Variants in SERPINF2 observed in about 807,000 individuals in gnomAD.
The protein encoded by SERPINF2 is alpha-2-antiplasmin.
A neutral mutation model predicts 45.0 loss-of-function variants in SERPINF2; 15 were observed. The ratio of observed to expected loss-of-function variants is 0.33; its 90% CI spans 0.22 to 0.51. The LOEUF (loss-of-function observed/expected upper bound fraction) is 0.51. Ranked by LOEUF, SERPINF2 falls within the 20% of genes least tolerant of loss-of-function variation. The pLI, the probability that SERPINF2 is intolerant of heterozygous loss-of-function variation, is 0.97. For missense variants in SERPINF2, 518 were observed against 637.4 expected, an observed-to-expected ratio of 0.81 and a Z score of 2.02; for synonymous variants, 283 against 277.9, an observed-to-expected ratio of 1.02 and a Z score of -0.18.
At position 1,744,593 on chromosome 17, in the gene SERPINF2, A is replaced by C. The variant is rs1230449761; in HGVS notation, c.-4-399A>C. The C allele has an allele frequency of 5.1e-6, 5 of 985,332 alleles. No individual in the cohort carries two copies. The South Asian group carries it at 1.9e-4, about 37-fold the overall frequency. 61.0% of individuals were successfully genotyped at this position (985,332 alleles called of 1,614,324 possible). On this transcript the variant is annotated intron_variant, in intron 1 of 9. Coordinates refer to ENST00000453066, the MANE Select transcript of SERPINF2 (RefSeq NM_000934.4). ...GACTTGTGCCACCGTTTTACAAGGTAAGGCCAAGCCTGGTGGAGTTACGGG... is the reference window on the plus strand; with the variant it reads ...GACTTGTGCCACCGTTTTACAAGGTCAGGCCAAGCCTGGTGGAGTTACGGG...
rs1316316129 is a variant in SERPINF2 at position 1,744,946 on chromosome 17, G to C, written c.-4-46G>C. On this transcript the variant is annotated intron_variant, in intron 1 of 9. Coordinates refer to ENST00000453066, the MANE Select transcript of SERPINF2 (RefSeq NM_000934.4). ...TCGCGTGGGTAGGATTCCCTGGCGG[G>C]CGTGGGGATGTGAGATGGGAACAGA... 4 of 1,612,210 alleles carry C rather than the reference G, an allele frequency of 2.5e-6. 1 individual carries two copies. The Admixed American group carries it at 5.0e-5, about 20-fold the overall frequency.
chr17:1,745,615 G>T lies in SERPINF2; in HGVS notation c.166-93G>T. The T allele has an allele frequency of 7.4e-7, 1 of 1,359,112 alleles. No homozygotes were observed. Among genetic ancestry groups the T allele is most frequent in the Non-Finnish European group, 1.0e-6 (1 of 966,570 alleles). 84.2% of individuals were successfully genotyped at this position (1,359,112 alleles called of 1,614,324 possible). A position where few individuals can be genotyped will look rare whatever the true frequency, so the allele number is the denominator to read the frequency against. On this transcript the variant is annotated intron_variant, in intron 4 of 9. Transcript: ENST00000453066. This position sits in a 1 kb window ranked among gnomAD's most constrained non-coding sequence, Gnocchi z 6.2. ...TTCCCTGGGGCTGGGACAAGGCCCT[G>T]CTGTCCTCAGGCACAGGGGCTGTGA...
intron 1 of SERPINF2, 131 bp downstream of exon 1, chr17:1,743,039 CTG>C: frequency 1.0e-6 from 1 of 985,402 alleles, no homozygotes; most frequent in Non-Finnish European, 1.2e-6. Flanking sequence ...ACTTGAAAAA[CTG>C]GAGCCTGTTC....
At chr17:1,746,008 C>T (rs551031040) in intron 5 of SERPINF2, 99 bp downstream of exon 5, 141 of 1,312,710 alleles carry the variant, frequency 1.1e-4, no homozygotes, top group South Asian at 4.7e-4. Context: ...ACCAGGGTCA[C>T]GTGGCTGTTT....
At chr17:1,746,719 G>A (rs181449840) in intron 5 of SERPINF2, among the ~76,000 whole-genome samples, 2 of 152,052 alleles carry the variant, frequency 1.3e-5, no homozygotes, top group East Asian at 1.9e-4. Context: ...GAGCCACCGC[G>A]CCCGGCCCCT....
intron 8 of SERPINF2, 84 bp downstream of exon 8, chr17:1,748,824 T>C (rs1906111074): frequency 1.2e-6 from 1 of 815,482 alleles, no homozygotes; most frequent in Non-Finnish European, 2.2e-6. Context: ...GGCACAGGGA[T>C]GGGTGGAGGC....
chr17:1,744,386 G>A (rs1245003640), intron 1 of SERPINF2, among the ~76,000 whole-genome samples: 3 of 152,042 alleles, frequency 2.0e-5, no homozygotes, highest in African/African-American at 7.2e-5. Flanking sequence ...CCAGCTATTC[G>A]GGAGGCTGAA....
chr17:1,754,031 C>G, intron 9 of SERPINF2, 91 bp from the exon 10 acceptor site: 1 of 1,481,702 alleles, frequency 6.7e-7, no homozygotes, highest in Non-Finnish European at 9.3e-7. Context: ...CAAGCTGTTC[C>G]CTGGCCAGGA....
intron 5 of SERPINF2, 134 bp downstream of exon 5, chr17:1,746,043 G>T: frequency 2.0e-6 from 2 of 1,015,776 alleles, no homozygotes; most frequent in East Asian, 2.4e-5. Context: ...TTCCTAGGCC[G>T]GGGCGGTGGC....
chr17:1,747,616 G>T, intron 7 of SERPINF2, 104 bp downstream of exon 7: 3 of 1,266,946 alleles, frequency 2.4e-6, no homozygotes, highest in Non-Finnish European at 3.4e-6. Context: ...CCAGGGTGGA[G>T]CGCAGTGGCG....
At chr17:1,748,564 G>A (rs191107963) in intron 7 of SERPINF2, 34 bp from the exon 8 acceptor site, 55 of 1,609,186 alleles carry the variant, frequency 3.4e-5, no homozygotes, top group Non-Finnish European at 4.3e-5. Flanking sequence ...GCTGGTCCCC[G>A]TCGACGTGAC....
At chr17:1,750,989 C>T (rs1416157961) in intron 8 of SERPINF2, among the ~76,000 whole-genome samples, 1 of 152,178 alleles carries the variant, frequency 6.6e-6, no homozygotes, top group Non-Finnish European at 1.5e-5. Flanking sequence ...TTCTTGTCCT[C>T]AGGCCCTCTG....
chr17:1,745,120 T>C lies in SERPINF2; in HGVS notation c.64-55T>C, dbSNP rs1597321761. On this transcript the variant is annotated intron_variant, in intron 2 of 9. Coordinates refer to ENST00000453066, the MANE Select transcript of SERPINF2 (RefSeq NM_000934.4). This position sits in a 1 kb window ranked among gnomAD's most constrained non-coding sequence, Gnocchi z 6.2. Reference sequence around the variant, plus strand: ...AGGGGGAAGAAGAGGGGCGTTGGCATGGAGGGAGGGCTTGGCTCCGAGGGG... The same window carrying C: ...AGGGGGAAGAAGAGGGGCGTTGGCACGGAGGGAGGGCTTGGCTCCGAGGGG... 1 of 1,603,088 alleles carries C rather than the reference T, an allele frequency of 6.2e-7. No individual in the cohort carries two copies. Among genetic ancestry groups the C allele is most frequent in the South Asian group, 1.1e-5 (1 of 90,148 alleles).
At chr17:1,746,917 C>A in intron 5 of SERPINF2, 102 bp from the exon 6 acceptor site, 1 of 1,445,008 alleles carries the variant, frequency 6.9e-7, no homozygotes, top group South Asian at 1.3e-5. Context: ...GGCGTGTGGT[C>A]CCGTGGACGT....
rs1337491049 is a variant in SERPINF2 at position 1,754,414 on chromosome 17, C to G, written c.1356C>G (p.Gly452=). ...RELKEQQDSP[G]NKDFLQSLKG... is the part of the protein sequence containing the mutation. Reference sequence around the variant, plus strand: ...TCAAGGAACAGCAGGATTCCCCGGGCAACAAGGACTTCCTCCAGAGCCTGA... The same window carrying G: ...TCAAGGAACAGCAGGATTCCCCGGGGAACAAGGACTTCCTCCAGAGCCTGA... Residue 452 remains glycine (G), a synonymous_variant, in exon 10 of 10, where the codon GGC becomes GGG. Coordinates refer to ENST00000453066, the MANE Select transcript of SERPINF2 (RefSeq NM_000934.4). 2 of 1,613,230 alleles carry G rather than the reference C, an allele frequency of 1.2e-6. No individual in the cohort carries two copies. The highest frequency in any genetic ancestry group is 1.3e-5 in the African/African-American group (1 of 75,054).
At chr17:1,743,346 C>T (rs1360738787) in intron 1 of SERPINF2, among the ~76,000 whole-genome samples, 1 of 152,224 alleles carries the variant, frequency 6.6e-6, no homozygotes, top group Non-Finnish European at 1.5e-5. Context: ...TCTCTGGCTG[C>T]CTTGCCACCC....
chr17:1,752,223 T>C (rs1321561151), intron 8 of SERPINF2, among the ~76,000 whole-genome samples: 1 of 152,040 alleles, frequency 6.6e-6, no homozygotes, highest in African/African-American at 2.4e-5. Context: ...GCCCAGCTCA[T>C]TTTTGTATTT....
Position 1,745,624 on chromosome 17 carries a change from A to G in SERPINF2, c.166-84A>G. On this transcript the variant is annotated intron_variant, in intron 4 of 9. Transcript: ENST00000453066. The surrounding 1 kb of genome is among the most constrained non-coding windows in gnomAD (Gnocchi z 6.2). Reference sequence around the variant, plus strand: ...GCTGGGACAAGGCCCTGCTGTCCTCAGGCACAGGGGCTGTGACAAGGCCTT... The same window carrying G: ...GCTGGGACAAGGCCCTGCTGTCCTCGGGCACAGGGGCTGTGACAAGGCCTT... The G allele has an allele frequency of 1.4e-6, 2 of 1,395,994 alleles. No homozygotes were observed. The highest frequency in any genetic ancestry group is 2.0e-6 in the Non-Finnish European group (2 of 995,988). The allele number at this position is 1,395,994 out of a possible 1,614,324, so 86.5% of individuals were successfully genotyped here. A position where few individuals can be genotyped will look rare whatever the true frequency, so the allele number is the denominator to read the frequency against.
intron 9 of SERPINF2, among the ~76,000 whole-genome samples, chr17:1,753,509 A>T (rs979140393): frequency 1.3e-5 from 2 of 152,220 alleles, no homozygotes; most frequent in African/African-American, 4.8e-5. Context: ...CAACATGGCC[A>T]AACCCGTCTC....
Sources: gnomAD v4.1 joint callset for allele counts (sites outside exome capture counted in the v4.1 genomes callset) on GRCh38, gnomAD v4.1.1 for gene constraint, Gnocchi (gnomAD v3.1) non-coding constraint, MANE v1.5 for transcripts, NCBI Gene and HGNC (gene_info 2026-07-23, HGNC 2026-07-21) for gene names.